Variants in SGSM1 observed in about 807,000 individuals in gnomAD.
The protein encoded by SGSM1 is RUN and TBC1 domain containing 2.
SGSM1 carries 73 observed loss-of-function variants against 133.8 expected under a neutral mutation model. The ratio of observed to expected loss-of-function variants is 0.55; its 90% confidence interval spans 0.45 to 0.66. The LOEUF (loss-of-function observed/expected upper bound fraction) is 0.66, where lower values mean the gene tolerates loss of function less well. Among genes scored for constraint, SGSM1 ranks in the 30% least tolerant of loss-of-function variants. SGSM1 has a pLI of 0.00. For missense variants in SGSM1, 1,213 were observed against 1,448.1 expected (o/e 0.84, Z 2.64); for synonymous variants, 563 against 573.0 (o/e 0.98, Z 0.25).
rs755084795 is a variant in SGSM1, at chr22:24,925,966, G to A, written c.*1692G>A. On this transcript the variant is annotated 3_prime_UTR_variant, in exon 25 of 25. Coordinates refer to ENST00000400358, the MANE Select transcript of SGSM1 (RefSeq NM_001098497.3). ...GCTCTTCTGTTCTGAGAATGCACCC[G>A]GAATGGGGGAAACCCAGCAAGCAGC... 5 of 152,186 alleles carry A rather than the reference G, an allele frequency of 3.3e-5. No individual in the cohort carries two copies. Among genetic ancestry groups the A allele is most frequent in the Admixed American group, 6.5e-5 (1 of 15,272 alleles). The allele number at this position is 152,186 out of a possible 1,614,324, so 9.4% of individuals were successfully genotyped here.
intron 20 of SGSM1, 119 bp from the exon 21 acceptor site, chr22:24,904,986 G>A: frequency 1.3e-6 from 1 of 796,124 alleles, no homozygotes; most frequent in Non-Finnish European, 2.2e-6. Flanking sequence ...GATGCAGGCA[G>A]GAGGCTGAGG....
At chr22:24,833,336 A>G (rs1254574525) in intron 2 of SGSM1, among the ~76,000 whole-genome samples, 1 of 152,080 alleles carries the variant, frequency 6.6e-6, no homozygotes, top group Admixed American at 6.5e-5. Context: ...ATCTCCAAAG[A>G]CAGCACATTC....
intron 4 of SGSM1, among the ~76,000 whole-genome samples, chr22:24,849,484 C>G (rs1001252047): frequency 3.3e-4 from 50 of 152,260 alleles, no homozygotes; most frequent in African/African-American, 1.2e-3. Flanking sequence ...ACCCAGGAGG[C>G]AGAGGTTGTG....
At position 24,866,055 on chromosome 22, in the gene SGSM1, T is replaced by A. The variant is rs559934110; in HGVS notation, c.927-1038T>A. 1.6e-4 allele frequency among the ~76,000 whole-genome samples: 25 copies of A among 152,094 alleles called. No individual in the cohort carries two copies. The South Asian group carries it at 3.7e-3, about 23-fold the overall frequency. On this transcript the variant is annotated intron_variant, in intron 9 of 24. Coordinates refer to ENST00000400358, the MANE Select transcript of SGSM1 (RefSeq NM_001098497.3). ...CAAGGTCTTCTGAAGGAGATGTGAG[T>A]GGTGCATTTCCATGGCCACCACAAA...
chr22:24,812,717 C>G (rs1317354840), intron 2 of SGSM1, among the ~76,000 whole-genome samples: 1 of 152,148 alleles, frequency 6.6e-6, no homozygotes, highest in Non-Finnish European at 1.5e-5. Context: ...CAGCTAATAG[C>G]AGGGACCAGG....
chr22:24,855,351 C>T lies in SGSM1; in HGVS notation c.590C>T (p.Ala197Val), dbSNP rs1236808966. The T allele has an allele frequency of 6.2e-7, 1 of 1,613,540 alleles. No individual in the cohort carries two copies. The highest frequency in any genetic ancestry group is 2.2e-5 in the East Asian group (1 of 44,840). ...GATCACTTCTGGACCGATCCCTCGG[C>T]TGACGAACTTGTCCAGAGGCACCGC... The part of the protein sequence containing the change: ...TADHFWTDPS[A>V]DELVQRHRIH... The change falls in exon 7 of 25, where the codon GCT becomes GTT. Residue 197 changes from alanine (A) to valine (V), a missense_variant. Coordinates refer to ENST00000400358, the MANE Select transcript of SGSM1 (RefSeq NM_001098497.3).
At chr22:24,908,312 A>G (rs1378816335) in intron 21 of SGSM1, among the ~76,000 whole-genome samples, 1 of 145,908 alleles carries the variant, frequency 6.9e-6, no homozygotes, top group Non-Finnish European at 1.5e-5. Context: ...AATTTTTTTT[A>G]GATATGACAC....
At chr22:24,840,206 A>G (rs1054895175) in intron 2 of SGSM1, among the ~76,000 whole-genome samples, 7 of 152,048 alleles carry the variant, frequency 4.6e-5, no homozygotes, top group African/African-American at 1.7e-4. Flanking sequence ...AGCCTTCCAG[A>G]TTGCTGGGAT....
In SGSM1 at chr22:24,807,532, G is replaced by A. The variant is rs149150512; in HGVS notation, c.63+1048G>A. 1.2e-3 allele frequency among the ~76,000 whole-genome samples: 187 copies of A among 152,034 alleles called. 1 individual carries two copies. Among genetic ancestry groups the A allele is most frequent in the African/African-American group, 4.4e-3 (182 of 41,458 alleles). ...GCATGAGTCTGCATGAATAACTAGG[G>A]CTGTGACTCCGTCTGTGTGCGTGTG... On this transcript the variant is annotated intron_variant, in intron 2 of 24. Coordinates refer to ENST00000400358, the MANE Select transcript of SGSM1 (RefSeq NM_001098497.3).
chr22:24,810,736 G>A (rs1217369451), intron 2 of SGSM1, among the ~76,000 whole-genome samples: 2 of 152,118 alleles, frequency 1.3e-5, no homozygotes, highest in Non-Finnish European at 2.9e-5. Flanking sequence ...GCTACATTTA[G>A]CTCTGCGACC....
At chr22:24,845,962 TTTC>T (rs1161077681) in intron 3 of SGSM1, among the ~76,000 whole-genome samples, 13 of 108,868 alleles carry the variant, frequency 1.2e-4, no homozygotes, top group Admixed American at 4.4e-4. Flanking sequence ...TCTTTCTTTC[TTTC>T]TTTCTTTCTT....
intron 9 of SGSM1, among the ~76,000 whole-genome samples, chr22:24,865,262 A>G (rs1190090606): frequency 6.6e-6 from 1 of 152,212 alleles, no homozygotes; most frequent in East Asian, 1.9e-4. Flanking sequence ...CCTTTGAGGA[A>G]CCAGAGGAGA....
At chr22:24,806,634 G>C in intron 2 of SGSM1, 150 bp downstream of exon 2, 1 of 956,042 alleles carries the variant, frequency 1.0e-6, no homozygotes, top group Non-Finnish European at 1.5e-6. Flanking sequence ...ACCTCCCGCA[G>C]GGCAGGAGGC....
intron 8 of SGSM1, among the ~76,000 whole-genome samples, chr22:24,857,627 C>T (rs1220944387): frequency 6.6e-6 from 1 of 152,170 alleles, no homozygotes; most frequent in Non-Finnish European, 1.5e-5. Context: ...ATTCTTCAAA[C>T]TTCTTCCAGT....
intron 21 of SGSM1, among the ~76,000 whole-genome samples, chr22:24,908,303 AT>A (rs1259577772): frequency 2.7e-5 from 4 of 150,182 alleles, no homozygotes; most frequent in African/African-American, 7.3e-5. Context: ...GGGCTAGGGA[AT>A]TTTTTTTAGA....
intron 8 of SGSM1, 42 bp downstream of exon 8, chr22:24,855,722 C>T (rs769864473): frequency 2.2e-5 from 35 of 1,613,776 alleles, no homozygotes; most frequent in Non-Finnish European, 2.9e-5. Context: ...CTGAGGGTCT[C>T]ACTCCAGGTT....
Position 24,922,758 on chromosome 22 carries a change from G to A in SGSM1, c.3194-1428G>A, listed in dbSNP as rs552130139. On this transcript the variant is annotated intron_variant, in intron 24 of 24. Transcript: ENST00000400358. The stretch of plus-strand genomic sequence containing the variant: ...CCCAAAGTTCTGGGATTACAGGCGT[G>A]AGCCACCGGGCCTGGCCCATGGCAC... 5.3e-5 allele frequency among the ~76,000 whole-genome samples: 8 copies of A among 152,340 alleles called. No homozygotes were observed. In the South Asian group the frequency reaches 1.7e-3, roughly 32 times the overall value.
At chr22:24,843,283 G>T (rs75127436) in intron 2 of SGSM1, among the ~76,000 whole-genome samples, 9 of 152,202 alleles carry the variant, frequency 5.9e-5, no homozygotes, top group Non-Finnish European at 1.3e-4. Context: ...TGGGGTGGGG[G>T]TGGTGAGCCA....
Position 24,893,467 on chromosome 22 carries a change from A to G in SGSM1, c.1807A>G (p.Met603Val), listed in dbSNP as rs1419422090. Residue 603 changes from methionine to valine, a missense_variant, in exon 17 of 25, where the codon ATG (methionine) becomes GTG (valine). Physicochemically the swap from Met to Val is conservative, Grantham distance 21. Transcript: ENST00000400358. The stretch of plus-strand genomic sequence containing the variant: ...GATTCATGCCTGCTATGCACAGACC[A>G]TGGCTGAGTGGCTGGGCTGCGAGGC... ...EQIHACYAQT[M>V]AEWLGCEAIV... 3 of 1,613,814 alleles carry G rather than the reference A, an allele frequency of 1.9e-6. No individual in the cohort carries two copies. Among genetic ancestry groups the G allele is most frequent in the East Asian group, 2.2e-5 (1 of 44,878 alleles).
Sources: allele counts gnomAD v4.1 joint callset (sites outside exome capture counted in the v4.1 genomes callset), GRCh38; gene constraint gnomAD v4.1.1; transcripts MANE v1.5; gene names NCBI Gene and HGNC (gene_info 2026-07-23, HGNC 2026-07-21).